FGF13: variants seen among roughly 807,000 people sequenced by gnomAD.
The protein encoded by FGF13 is fibroblast growth factor homologous factor 2.
Under a neutral mutation model 19.5 loss-of-function variants are expected in FGF13, and 2 were observed. The observed-to-expected ratio is 0.10, with a 90% CI of 0.04 to 0.32. FGF13 has a LOEUF of 0.32. Among genes scored for constraint, FGF13 ranks in the 10% least tolerant of loss-of-function variants. FGF13 has a pLI of 1.00. For missense variants in FGF13, 113 were observed against 192.7 expected (o/e 0.59, Z 2.45); for synonymous variants, 72 against 76.9 (o/e 0.94, Z 0.33).
intron 1 of FGF13, among the ~76,000 whole-genome samples, chrX:139,183,094 G>T (rs2084252826): frequency 9.0e-6 from 1 of 111,685 alleles, no homozygotes; most frequent in African/African-American, 3.3e-5. Flanking sequence ...CAAATCTGCA[G>T]CCCCTTACTA....
chrX:138,893,972 C>T (rs1324009420), intron 1 of FGF13, among the ~76,000 whole-genome samples: 1 of 111,357 alleles, frequency 9.0e-6, no homozygotes, highest in Non-Finnish European at 1.9e-5. Flanking sequence ...ACAGGTCTAC[C>T]ATACCTTACG....
chrX:138,882,945 C>T (rs1354701008), intron 1 of FGF13, among the ~76,000 whole-genome samples: 2 of 111,010 alleles, frequency 1.8e-5, no homozygotes, highest in South Asian at 7.8e-4. Context: ...GAAACCTGCC[C>T]CCCAAAACTT....
intron 1 of FGF13, among the ~76,000 whole-genome samples, chrX:139,096,178 G>C (rs2083468833): frequency 2.7e-5 from 3 of 111,768 alleles, no homozygotes; most frequent in Non-Finnish European, 5.6e-5. Context: ...CAACCTACTA[G>C]TTTGCAGTCA....
At chrX:138,794,300 G>A (rs930066798) in intron 3 of FGF13, among the ~76,000 whole-genome samples, 1 of 111,674 alleles carries the variant, frequency 9.0e-6, no homozygotes, top group Non-Finnish European at 1.9e-5. Context: ...GATTCATAAG[G>A]ATTAAATTTT....
chrX:139,110,264 G>GAT (rs1159651479), intron 1 of FGF13, among the ~76,000 whole-genome samples: 35 of 109,723 alleles, frequency 3.2e-4, no homozygotes, highest in Admixed American at 1.3e-3. Flanking sequence ...AACATAAAAA[G>GAT]ATATATATAT....
intron 1 of FGF13, among the ~76,000 whole-genome samples, chrX:138,870,295 A>G (rs2091351088): frequency 8.9e-6 from 1 of 111,998 alleles, no homozygotes; most frequent in Non-Finnish European, 1.9e-5. Flanking sequence ...CTTGATATAT[A>G]CCATACACTT....
At chrX:139,072,580 T>C (rs1280710272) in intron 1 of FGF13, among the ~76,000 whole-genome samples, 1 of 112,263 alleles carries the variant, frequency 8.9e-6, no homozygotes, top group African/African-American at 3.2e-5. Flanking sequence ...TTATTGTTGC[T>C]GATATCAGGT....
intron 1 of FGF13, among the ~76,000 whole-genome samples, chrX:138,998,715 G>A (rs2092056240): frequency 9.0e-6 from 1 of 111,207 alleles, no homozygotes; most frequent in African/African-American, 3.3e-5. Flanking sequence ...AAGAGACTTA[G>A]ACTCCCACAC....
At chrX:138,835,149 T>G (rs2091102560) in intron 3 of FGF13, among the ~76,000 whole-genome samples, 1 of 111,079 alleles carries the variant, frequency 9.0e-6, no homozygotes, top group African/African-American at 3.3e-5. Context: ...AGTTGGAGAG[T>G]TCTGTAGATA....
intron 1 of FGF13, among the ~76,000 whole-genome samples, chrX:139,007,544 C>A (rs2092107945): frequency 8.9e-6 from 1 of 112,451 alleles, no homozygotes; most frequent in Admixed American, 9.4e-5. Context: ...CTACAGAACA[C>A]ACATTCTTTT....
chrX:139,180,307 C>A (rs927333566), intron 1 of FGF13, among the ~76,000 whole-genome samples: 1 of 111,911 alleles, frequency 8.9e-6, no homozygotes, highest in Non-Finnish European at 1.9e-5. Context: ...TCTTTGGGGG[C>A]AAAGGCCATG....
intron 1 of FGF13, among the ~76,000 whole-genome samples, chrX:138,996,947 C>T (rs764585101): frequency 1.2e-4 from 13 of 111,831 alleles, no homozygotes; most frequent in African/African-American, 3.3e-4. Flanking sequence ...TGGCATCTGG[C>T]GGGTGCCTCT....
Position 138,876,616 on chromosome X carries a change from C to A in FGF13, c.-112-11966G>T, listed in dbSNP as rs762005500. ...TATTGCCACAAACAACTGAAGTCTG[C>A]CAACAATCACATGAGCTTAGAAGAG... On this transcript the variant is annotated intron_variant, in intron 1 of 2. Transcript: ENST00000421460. Among the ~76,000 whole-genome samples the A allele has an allele frequency of 5.4e-5, 6 of 111,867 alleles. No homozygotes were observed. In the East Asian group the frequency reaches 1.4e-3, roughly 26 times the overall value.
At chrX:139,065,930 C>G (rs2092354863) in intron 1 of FGF13, among the ~76,000 whole-genome samples, 1 of 111,479 alleles carries the variant, frequency 9.0e-6, no homozygotes, top group South Asian at 3.8e-4. Flanking sequence ...AAGTAAAACA[C>G]TCCTCAGGAA....
chrX:138,770,161 T>C (rs759926161), intron 3 of FGF13, among the ~76,000 whole-genome samples: 2 of 111,996 alleles, frequency 1.8e-5, no homozygotes, highest in Non-Finnish European at 1.9e-5. Context: ...ATTCATTCAT[T>C]TAATAAAACA....
intron 1 of FGF13, among the ~76,000 whole-genome samples, chrX:139,108,514 A>G (rs2083575903): frequency 8.9e-6 from 1 of 111,735 alleles, no homozygotes; most frequent in Non-Finnish European, 1.9e-5. Context: ...ATACAAGCCC[A>G]TGACAGAAAA....
chrX:138,684,299 C>T (rs140955257), intron 3 of FGF13, among the ~76,000 whole-genome samples: 1,225 of 111,491 alleles, frequency 0.011, 5 homozygotes, highest in Non-Finnish European at 0.016. Context: ...AAACTGCACT[C>T]CTGTATTTCT....
chrX:138,909,257 C>G lies in FGF13; in HGVS notation c.-112-44607G>C, dbSNP rs780631059. ...AAAAGCCTCTACCATTGCTCTCACC[C>G]GGAGTGGGAGACTTGAGGGTAGATG... On this transcript the variant is annotated intron_variant, in intron 1 of 2. Transcript: ENST00000421460. Among the ~76,000 whole-genome samples, 3 of 111,833 alleles carry G rather than the reference C, an allele frequency of 2.7e-5. No individual in the cohort carries two copies. The Admixed American group carries it at 2.8e-4, about 11-fold the overall frequency.
chrX:138,752,559 CGTAT>C (rs1251167281), intron 3 of FGF13, among the ~76,000 whole-genome samples: 2 of 112,331 alleles, frequency 1.8e-5, no homozygotes, highest in Non-Finnish European at 3.8e-5. Flanking sequence ...TAGATATATA[CGTAT>C]GTATAATTTA....
Sources: allele counts gnomAD v4.1 joint callset (sites outside exome capture counted in the v4.1 genomes callset), GRCh38; gene constraint gnomAD v4.1.1; transcripts MANE v1.5; gene names NCBI Gene and HGNC (gene_info 2026-07-23, HGNC 2026-07-21).